Variants in DNAJC15 observed in about 807,000 individuals in gnomAD.
DNAJC15 encodes the protein DnaJ heat shock protein family (Hsp40) member C15, also known as dnaJ homolog subfamily C member 15.
Under a neutral mutation model 22.4 loss-of-function variants are expected in DNAJC15, and 27 were observed. The observed-to-expected ratio is 1.20, with a 90% confidence interval of 0.89 to 1.66. The LOEUF is 1.66. Ranked by LOEUF, DNAJC15 falls within the 40% of genes most tolerant of loss-of-function variation. DNAJC15 has a pLI of 0.00. For synonymous variants in DNAJC15, 79 were observed against 63.2 expected (o/e 1.25, Z -1.19); for missense variants, 208 against 187.1 (o/e 1.11, Z -0.65).
intron 2 of DNAJC15, among the ~76,000 whole-genome samples, chr13:43,066,039 C>A (rs1375142427): frequency 1.3e-5 from 2 of 151,974 alleles, no homozygotes; most frequent in East Asian, 3.9e-4. Context: ...TAATATTATG[C>A]AATGTAAGTG....
intron 1 of DNAJC15, among the ~76,000 whole-genome samples, chr13:43,052,241 G>A (rs1175914433): frequency 6.6e-6 from 1 of 152,032 alleles, no homozygotes; most frequent in Non-Finnish European, 1.5e-5. Context: ...GGGATTACAG[G>A]TGTGAGCCAC....
At chr13:43,101,732 A>G (rs746330150) in intron 5 of DNAJC15, among the ~76,000 whole-genome samples, 30 of 152,302 alleles carry the variant, frequency 2.0e-4, no homozygotes, top group Non-Finnish European at 3.7e-4. Context: ...ATGGTCTCCA[A>G]TTCCATCCAG....
intron 1 of DNAJC15, among the ~76,000 whole-genome samples, chr13:43,040,772 A>G (rs2040450185): frequency 6.6e-6 from 1 of 152,144 alleles, no homozygotes; most frequent in African/African-American, 2.4e-5. Flanking sequence ...TCATAGGATA[A>G]TGAGAGAAAG....
intron 1 of DNAJC15, among the ~76,000 whole-genome samples, chr13:43,046,607 G>C (rs965672017): frequency 6.6e-6 from 1 of 152,204 alleles, no homozygotes; most frequent in African/African-American, 2.4e-5. Flanking sequence ...TGAGAGCACA[G>C]GGGGAGGGGC....
At chr13:43,096,412 C>T (rs2040739917) in intron 5 of DNAJC15, among the ~76,000 whole-genome samples, 1 of 152,146 alleles carries the variant, frequency 6.6e-6, no homozygotes, top group Non-Finnish European at 1.5e-5. Flanking sequence ...GCATTTAGAT[C>T]TTATCTAGAA....
At chr13:43,059,352 G>A (rs1246648032) in intron 1 of DNAJC15, among the ~76,000 whole-genome samples, 1 of 152,140 alleles carries the variant, frequency 6.6e-6, no homozygotes, top group Non-Finnish European at 1.5e-5. Flanking sequence ...CCTTCAGTGA[G>A]CTCATATATT....
At chr13:43,032,206 A>G (rs1397268595) in intron 1 of DNAJC15, among the ~76,000 whole-genome samples, 1 of 152,146 alleles carries the variant, frequency 6.6e-6, no homozygotes, top group Non-Finnish European at 1.5e-5. Flanking sequence ...ATTGCATCCC[A>G]TTGGTCTGAC....
In DNAJC15 at chr13:43,023,603, C is replaced by G; in HGVS notation, c.-24C>G. On this transcript the variant is annotated 5_prime_UTR_variant, in exon 1 of 6. Transcript: ENST00000379221. Reference sequence around the variant, plus strand: ...CGCCTCGTAGTCACTGCCGCGGCGCCTTGAGTCTCCGGGCCGCCTTGCCAT... The same window carrying G: ...CGCCTCGTAGTCACTGCCGCGGCGCGTTGAGTCTCCGGGCCGCCTTGCCAT... 2.5e-6 allele frequency: 4 copies of G among 1,599,954 alleles called. No homozygotes were observed. The highest frequency in any genetic ancestry group is 1.1e-5 in the South Asian group (1 of 89,168).
chr13:43,045,423 T>C (rs1280733469), intron 1 of DNAJC15, among the ~76,000 whole-genome samples: 2 of 152,146 alleles, frequency 1.3e-5, no homozygotes, highest in East Asian at 3.9e-4. Flanking sequence ...GCTCCCCGAG[T>C]GCACAATTTC....
intron 1 of DNAJC15, among the ~76,000 whole-genome samples, chr13:43,026,164 A>G (rs1447252001): frequency 6.6e-6 from 1 of 152,220 alleles, no homozygotes; most frequent in East Asian, 1.9e-4. Context: ...AAAAACTTGA[A>G]CAAAACAGTG....
chr13:43,104,705 T>C (rs1176060130), intron 5 of DNAJC15, among the ~76,000 whole-genome samples: 1 of 151,226 alleles, frequency 6.6e-6, no homozygotes, highest in Non-Finnish European at 1.5e-5. Context: ...TTTTTTTTTT[T>C]TGGAGATAGG....
rs994570671 is a variant in DNAJC15, at chr13:43,112,818, C to G, written c.*5570C>G. The G allele has an allele frequency of 1.3e-5, 2 of 152,116 alleles. No individual in the cohort carries two copies. Among genetic ancestry groups the G allele is most frequent in the African/African-American group, 4.8e-5 (2 of 41,422 alleles). 9.4% of individuals were successfully genotyped at this position (152,116 alleles called of 1,614,324 possible). A position where few individuals can be genotyped will look rare whatever the true frequency, so the allele number is the denominator to read the frequency against. ...CTGTTTATATTATATTGCACTCATT[C>G]TAAATATGTGGGAATCAGAATGAAG... On this transcript the variant is annotated 3_prime_UTR_variant, in exon 6 of 6. Transcript: ENST00000379221.
At chr13:43,056,179 T>C (rs2093819) in intron 1 of DNAJC15, among the ~76,000 whole-genome samples, 80,402 of 150,704 alleles carry the variant, frequency 0.53, 21,580 homozygotes, top group South Asian at 0.64. Flanking sequence ...TAGAAGGAGT[T>C]TCGCTCTTGT....
intron 5 of DNAJC15, among the ~76,000 whole-genome samples, chr13:43,105,823 G>A (rs17064177): frequency 0.017 from 2,549 of 152,228 alleles, 83 homozygotes; most frequent in East Asian, 0.1. Flanking sequence ...ATTCCTGATT[G>A]CTAGATTGTC....
chr13:43,078,765 T>C, intron 4 of DNAJC15, 77 bp downstream of exon 4: 1 of 1,306,710 alleles, frequency 7.7e-7, no homozygotes. Context: ...TACAATAAGG[T>C]TATACTTAGA....
intron 5 of DNAJC15, among the ~76,000 whole-genome samples, chr13:43,106,754 A>T (rs1309165616): frequency 6.6e-6 from 1 of 151,580 alleles, no homozygotes; most frequent in Non-Finnish European, 1.5e-5. Flanking sequence ...GGATTGATTT[A>T]CCTTCTTCAA....
chr13:43,035,786 T>G (rs1439771059), intron 1 of DNAJC15, among the ~76,000 whole-genome samples: 1 of 152,176 alleles, frequency 6.6e-6, no homozygotes, highest in Non-Finnish European at 1.5e-5. Context: ...AGTGGCGTGA[T>G]CATAGCTCAC....
At chr13:43,084,896 A>G (rs2040679979) in intron 4 of DNAJC15, among the ~76,000 whole-genome samples, 1 of 152,240 alleles carries the variant, frequency 6.6e-6, no homozygotes, top group African/African-American at 2.4e-5. Context: ...GGTAAAAGAT[A>G]ACTATAATGA....
chr13:43,098,393 A>G (rs906509069), intron 5 of DNAJC15, among the ~76,000 whole-genome samples: 2 of 152,122 alleles, frequency 1.3e-5, no homozygotes, highest in African/African-American at 4.8e-5. Context: ...ACTACTAGAG[A>G]GCAACTTATT....
Sources: allele counts gnomAD v4.1 joint callset (sites outside exome capture counted in the v4.1 genomes callset), GRCh38; gene constraint gnomAD v4.1.1; transcripts MANE v1.5; gene names NCBI Gene and HGNC (gene_info 2026-07-23, HGNC 2026-07-21).